Variants in HS6ST3 observed in about 807,000 individuals in gnomAD.
HS6ST3 encodes heparan sulfate 6-O-sulfotransferase 3.
In HS6ST3, 12 loss-of-function variants were observed where a neutral mutation model predicts 36.7. That is an observed-to-expected ratio of 0.33 (90% CI 0.21 to 0.53). The LOEUF (loss-of-function observed/expected upper bound fraction) is 0.53. Ranked by LOEUF, HS6ST3 falls within the 20% of genes least tolerant of loss-of-function variation. HS6ST3 has a pLI of 0.95. For synonymous variants in HS6ST3, 240 were observed against 257.5 expected (o/e 0.93, Z 0.65); for missense variants, 584 against 640.9 (o/e 0.91, Z 0.96).
intron 1 of HS6ST3, among the ~76,000 whole-genome samples, chr13:96,202,532 C>T (rs1270058508): frequency 6.6e-6 from 1 of 152,170 alleles, no homozygotes; most frequent in Non-Finnish European, 1.5e-5. Flanking sequence ...ATCATTTGTG[C>T]TTCAGCATCC....
At position 96,225,677 on chromosome 13, in the gene HS6ST3, C is replaced by T. The variant is rs573431884; in HGVS notation, c.707+134108C>T. Reference sequence around the variant, plus strand: ...TCTATTTTAATAAATGATACATTTACAAATGGATTCTGGGTTTTTTATTCT... The same window carrying T: ...TCTATTTTAATAAATGATACATTTATAAATGGATTCTGGGTTTTTTATTCT... On this transcript the variant is annotated intron_variant, in intron 1 of 1. Transcript: ENST00000376705. 2.0e-5 allele frequency among the ~76,000 whole-genome samples: 3 copies of T among 152,250 alleles called. No homozygotes were observed. The East Asian group carries it at 5.8e-4, about 29-fold the overall frequency.
chr13:96,192,979 ACTGT>A (rs1024172220), intron 1 of HS6ST3, among the ~76,000 whole-genome samples: 1 of 152,096 alleles, frequency 6.6e-6, no homozygotes, highest in Admixed American at 6.5e-5. Flanking sequence ...GAGATCTTGG[ACTGT>A]CTGTCAGCCT....
intron 1 of HS6ST3, among the ~76,000 whole-genome samples, chr13:96,496,243 CT>C (rs915874157): frequency 3.3e-5 from 5 of 152,080 alleles, no homozygotes; most frequent in African/African-American, 1.2e-4. Flanking sequence ...GGGCATTCTT[CT>C]TGGGGATGGA....
At chr13:96,773,378 GGCCCCCTATGGA>G (rs367813937) in intron 1 of HS6ST3, among the ~76,000 whole-genome samples, 2,121 of 152,226 alleles carry the variant, frequency 0.014, 57 homozygotes, top group African/African-American at 0.048. Context: ...TAGCTCAGTG[GGCCCCCTATGGA>G]GCCCCCTATG....
chr13:96,821,927 T>C (rs1163192871), intron 1 of HS6ST3, among the ~76,000 whole-genome samples: 2 of 152,234 alleles, frequency 1.3e-5, no homozygotes, highest in African/African-American at 4.8e-5. Flanking sequence ...AGATTCTAAA[T>C]ATTGGCACAC....
intron 1 of HS6ST3, among the ~76,000 whole-genome samples, chr13:96,779,316 C>CAATAATAATAATAAT (rs67524779): frequency 1.4e-5 from 2 of 147,454 alleles, no homozygotes; most frequent in African/African-American, 5.0e-5. Flanking sequence ...CTTAAAGTAT[C>CAATAATAATAATAAT]AATAATAATA....
intron 1 of HS6ST3, among the ~76,000 whole-genome samples, chr13:96,194,183 T>C (rs571022672): frequency 3.1e-4 from 47 of 152,258 alleles, no homozygotes; most frequent in African/African-American, 1.0e-3. Flanking sequence ...CCTCATTTCA[T>C]TGTATATACA....
chr13:96,646,726 G>T (rs866496931), intron 1 of HS6ST3, among the ~76,000 whole-genome samples: 2 of 151,888 alleles, frequency 1.3e-5, no homozygotes, highest in African/African-American at 2.4e-5. Context: ...TCTCCGTATT[G>T]TTCTCATTTC....
At chr13:96,396,464 A>C (rs2055422006) in intron 1 of HS6ST3, among the ~76,000 whole-genome samples, 1 of 152,114 alleles carries the variant, frequency 6.6e-6, no homozygotes, top group South Asian at 2.1e-4. Flanking sequence ...TGCCCAGCCC[A>C]GTATGGAAAT....
At chr13:96,474,542 C>T (rs1186922028) in intron 1 of HS6ST3, among the ~76,000 whole-genome samples, 2 of 152,166 alleles carry the variant, frequency 1.3e-5, no homozygotes, top group East Asian at 1.9e-4. Context: ...TGCATTACCA[C>T]ATCAATATTT....
At chr13:96,548,079 G>A (rs2056204342) in intron 1 of HS6ST3, among the ~76,000 whole-genome samples, 1 of 152,124 alleles carries the variant, frequency 6.6e-6, no homozygotes, top group Non-Finnish European at 1.5e-5. Flanking sequence ...TTTGTTTGAA[G>A]TGTTGCTTCT....
chr13:96,101,253 T>A (rs1462862412), intron 1 of HS6ST3, among the ~76,000 whole-genome samples: 1 of 152,122 alleles, frequency 6.6e-6, no homozygotes, highest in African/African-American at 2.4e-5. Context: ...GCAAAAACAT[T>A]TACGAGATGA....
At chr13:96,419,109 T>A (rs535767125) in intron 1 of HS6ST3, among the ~76,000 whole-genome samples, 1 of 152,374 alleles carries the variant, frequency 6.6e-6, no homozygotes, top group East Asian at 1.9e-4. Context: ...GCCTTTATTG[T>A]GGAGAAGAGC....
At chr13:96,499,651 G>A (rs955834558) in intron 1 of HS6ST3, among the ~76,000 whole-genome samples, 19 of 152,132 alleles carry the variant, frequency 1.2e-4, no homozygotes, top group African/African-American at 4.3e-4. Flanking sequence ...TGGCTTTCTG[G>A]GATGATCACT....
chr13:96,543,262 C>T (rs891033308), intron 1 of HS6ST3, among the ~76,000 whole-genome samples: 3 of 152,180 alleles, frequency 2.0e-5, no homozygotes, highest in African/African-American at 4.8e-5. Context: ...CATCCTCCCC[C>T]AGGTCTGATT....
intron 1 of HS6ST3, among the ~76,000 whole-genome samples, chr13:96,279,510 C>T (rs1440195752): frequency 6.6e-6 from 1 of 152,096 alleles, no homozygotes; most frequent in African/African-American, 2.4e-5. Context: ...TCAACAGGAA[C>T]ATCTAATCTT....
chr13:96,410,219 G>A (rs1271288126), intron 1 of HS6ST3, among the ~76,000 whole-genome samples: 1 of 152,016 alleles, frequency 6.6e-6, no homozygotes, highest in Non-Finnish European at 1.5e-5. Flanking sequence ...AGAACACTTA[G>A]ACAATACACA....
chr13:96,529,931 A>G (rs907874283), intron 1 of HS6ST3, among the ~76,000 whole-genome samples: 1 of 152,142 alleles, frequency 6.6e-6, no homozygotes, highest in South Asian at 2.1e-4. Context: ...TCCAAATTTT[A>G]TTTGTCTCAA....
At chr13:96,140,746 T>C (rs1407696232) in intron 1 of HS6ST3, among the ~76,000 whole-genome samples, 1 of 152,142 alleles carries the variant, frequency 6.6e-6, no homozygotes. Flanking sequence ...TTTTATCTCA[T>C]ATCAAAAATG....
Sources: gnomAD v4.1 joint callset for allele counts (sites outside exome capture counted in the v4.1 genomes callset) on GRCh38, gnomAD v4.1.1 for gene constraint, MANE v1.5 for transcripts, NCBI Gene and HGNC (gene_info 2026-07-23, HGNC 2026-07-21) for gene names.